FHIT: variants seen among roughly 807,000 people sequenced by gnomAD.
FHIT encodes the protein bis(5'-adenosyl)-triphosphatase.
A neutral mutation model predicts 17.9 loss-of-function variants in FHIT; 19 were observed. That is an observed-to-expected ratio of 1.06 (90% CI 0.74 to 1.56). The LOEUF (loss-of-function observed/expected upper bound fraction) is 1.56, where lower values mean the gene tolerates loss of function less well. Among genes scored for constraint, FHIT ranks in the 40% most tolerant of loss-of-function variants. The probability of loss-of-function intolerance (pLI) is 0.00; values close to 1 mark genes in which losing one functional copy is unlikely to be tolerated. For missense variants in FHIT, 248 were observed against 189.2 expected, an observed-to-expected ratio of 1.31 and a Z score of -1.82; for synonymous variants, 81 against 69.7, an observed-to-expected ratio of 1.16 and a Z score of -0.81.
intron 8 of FHIT, among the ~76,000 whole-genome samples, chr3:59,867,056 C>T (rs961014621): frequency 2.7e-5 from 4 of 150,272 alleles, no homozygotes; most frequent in African/African-American, 9.9e-5. Context: ...CACCCTCCAC[C>T]CTCTTTTACA....
chr3:60,569,738 T>TATATAC (rs1553654782), intron 4 of FHIT, among the ~76,000 whole-genome samples: 4 of 61,786 alleles, frequency 6.5e-5, no homozygotes, highest in African/African-American at 2.9e-4. Context: ...TATATATATA[T>TATATAC]ATATATATAT....
chr3:60,427,483 T>C (rs1171495464), intron 5 of FHIT, among the ~76,000 whole-genome samples: 1 of 152,072 alleles, frequency 6.6e-6, no homozygotes, highest in Admixed American at 6.6e-5. Context: ...CCCATGAAAA[T>C]GGTGAGACAA....
intron 5 of FHIT, among the ~76,000 whole-genome samples, chr3:60,131,388 C>A (rs183919714): frequency 6.6e-6 from 1 of 151,980 alleles, no homozygotes; most frequent in Non-Finnish European, 1.5e-5. Context: ...AATTCACACA[C>A]GCAGAGCCCA....
intron 5 of FHIT, among the ~76,000 whole-genome samples, chr3:60,305,406 A>C (rs747555382): frequency 1.3e-5 from 2 of 152,094 alleles, no homozygotes; most frequent in Non-Finnish European, 2.9e-5. Context: ...ATATACTTCC[A>C]GAGATTCTCA....
At chr3:61,237,799 T>C (rs1451925547) in intron 1 of FHIT, among the ~76,000 whole-genome samples, 1 of 152,190 alleles carries the variant, frequency 6.6e-6, no homozygotes, top group Non-Finnish European at 1.5e-5. Context: ...TCAGAGAGGT[T>C]GAGCACTTCA....
At chr3:59,816,506 GAGT>G (rs966197900) in intron 8 of FHIT, among the ~76,000 whole-genome samples, 1 of 152,156 alleles carries the variant, frequency 6.6e-6, no homozygotes, top group Non-Finnish European at 1.5e-5. Context: ...AGAGAATCCT[GAGT>G]CATGCTTACC....
chr3:60,232,227 C>G (rs574584185), intron 5 of FHIT, among the ~76,000 whole-genome samples: 1 of 152,250 alleles, frequency 6.6e-6, no homozygotes, highest in African/African-American at 2.4e-5. Context: ...TAAGGTCACT[C>G]TACACATGGT....
intron 5 of FHIT, among the ~76,000 whole-genome samples, chr3:60,150,487 T>C (rs1342168147): frequency 6.6e-6 from 1 of 152,224 alleles, no homozygotes; most frequent in African/African-American, 2.4e-5. Context: ...TTGATACTTA[T>C]GATTATTATT....
intron 8 of FHIT, among the ~76,000 whole-genome samples, chr3:59,899,725 A>C (rs114334719): frequency 0.041 from 6,220 of 152,216 alleles, 415 homozygotes; most frequent in African/African-American, 0.14. Context: ...ATACGCCTGT[A>C]GTCCCAGCTA....
At chr3:60,319,356 C>A (rs1249095119) in intron 5 of FHIT, among the ~76,000 whole-genome samples, 1 of 151,936 alleles carries the variant, frequency 6.6e-6, no homozygotes, top group East Asian at 1.9e-4. Flanking sequence ...GTGTTGTAAA[C>A]CTTCAAAGGA....
At position 60,130,553 on chromosome 3, in the gene FHIT, T is replaced by A. The variant is rs114962540; in HGVS notation, c.104-116401A>T. On this transcript the variant is annotated intron_variant, in intron 5 of 9. Transcript: ENST00000492590. ...ACAGATTCTGCATCACATGCTCATA[T>A]CAACTGATCTGTATTTTTATACAAC... Among the ~76,000 whole-genome samples the A allele has an allele frequency of 3.3e-3, 500 of 152,268 alleles. 4 individuals are homozygous for A. Among genetic ancestry groups the A allele is most frequent in the African/African-American group, 0.012 (485 of 41,550 alleles).
chr3:60,327,617 C>G (rs898351982), intron 5 of FHIT, among the ~76,000 whole-genome samples: 1 of 152,158 alleles, frequency 6.6e-6, no homozygotes, highest in African/African-American at 2.4e-5. Context: ...TAACTCCAAA[C>G]CAGCCAACCC....
chr3:60,261,015 C>T (rs1331551977), intron 5 of FHIT, among the ~76,000 whole-genome samples: 1 of 151,982 alleles, frequency 6.6e-6, no homozygotes, highest in Non-Finnish European at 1.5e-5. Flanking sequence ...ACCCCATTCC[C>T]GGGAAAGTCA....
chr3:59,779,043 G>A (rs904437971), intron 8 of FHIT, among the ~76,000 whole-genome samples: 2 of 152,166 alleles, frequency 1.3e-5, no homozygotes, highest in African/African-American at 4.8e-5. Context: ...GGAAGAGAAT[G>A]GGCACTACTG....
chr3:60,970,629 C>A (rs927672422), intron 3 of FHIT, among the ~76,000 whole-genome samples: 1 of 151,962 alleles, frequency 6.6e-6, no homozygotes, highest in Non-Finnish European at 1.5e-5. Flanking sequence ...TAAGTGGTTA[C>A]CCTGGAAATG....
At chr3:59,909,064 C>T (rs1367850569) in intron 8 of FHIT, among the ~76,000 whole-genome samples, 3 of 151,964 alleles carry the variant, frequency 2.0e-5, no homozygotes, top group African/African-American at 7.3e-5. Flanking sequence ...GACAGAGTCT[C>T]GCTCTGTCAC....
chr3:59,899,385 C>T (rs1704221691), intron 8 of FHIT, among the ~76,000 whole-genome samples: 1 of 152,158 alleles, frequency 6.6e-6, no homozygotes, highest in Admixed American at 6.5e-5. Flanking sequence ...AAATAATGGC[C>T]TTGTGGCTTT....
chr3:60,785,474 A>G (rs1700535014), intron 4 of FHIT, among the ~76,000 whole-genome samples: 1 of 152,146 alleles, frequency 6.6e-6, no homozygotes, highest in Admixed American at 6.5e-5. Flanking sequence ...GCCAACATTC[A>G]CTGTACTGAT....
chr3:60,973,790 A>G (rs1157992987), intron 3 of FHIT, among the ~76,000 whole-genome samples: 1 of 152,186 alleles, frequency 6.6e-6, no homozygotes, highest in Non-Finnish European at 1.5e-5. Context: ...AGCTTTCTCA[A>G]GTAGGAGTAT....
Sources: gnomAD v4.1 joint callset for allele counts (sites outside exome capture counted in the v4.1 genomes callset) on GRCh38, gnomAD v4.1.1 for gene constraint, MANE v1.5 for transcripts, NCBI Gene and HGNC (gene_info 2026-07-23, HGNC 2026-07-21) for gene names.